The following GTF3C1 variants were observed in gnomAD, a reference collection of about 807,000 sequenced individuals.
The protein encoded by GTF3C1 is general transcription factor 3C polypeptide 1.
In GTF3C1, 57 loss-of-function variants were observed where a neutral mutation model predicts 226.7. That is an observed-to-expected ratio of 0.25 (90% CI 0.20 to 0.31). GTF3C1 has a LOEUF of 0.31. Among genes scored for constraint, GTF3C1 ranks in the 10% least tolerant of loss-of-function variants. GTF3C1 has a pLI of 1.00. For synonymous variants in GTF3C1, 1,090 were observed against 1,084.8 expected, an observed-to-expected ratio of 1.00 and a Z score of -0.09; for missense variants, 2,217 against 2,776.1, an observed-to-expected ratio of 0.80 and a Z score of 4.53.
intron 2 of GTF3C1, among the ~76,000 whole-genome samples, chr16:27,540,083 G>A (rs2089059985): frequency 6.6e-6 from 1 of 152,076 alleles, no homozygotes; most frequent in South Asian, 2.1e-4. Context: ...TCCTGCTGCA[G>A]CCACACCACT....
rs543775907 is a variant in GTF3C1 at position 27,505,794 on chromosome 16, C to A, written c.1770+105G>T. 2.5e-5 allele frequency: 18 copies of A among 732,658 alleles called. No homozygotes were observed. In the Admixed American group the frequency reaches 3.6e-4, roughly 15 times the overall value. The allele number at this position is 732,658 out of a possible 1,614,324, so 45.4% of individuals were successfully genotyped here. The stretch of plus-strand genomic sequence containing the variant: ...CAGGCAGGCCTCGGCACGCAGCACT[C>A]TCGCTGTGGATGATTCCACTGTGAT... On this transcript the variant is annotated intron_variant, in intron 10 of 36. Coordinates refer to ENST00000356183, the MANE Select transcript of GTF3C1 (RefSeq NM_001520.4).
chr16:27,497,619 C>T lies in GTF3C1; in HGVS notation c.2350+18G>A, dbSNP rs1227333236. On this transcript the variant is annotated intron_variant, in intron 14 of 36. Transcript: ENST00000356183. The stretch of plus-strand genomic sequence containing the variant: ...CAAATCAAATGTAACTAAACACAGA[C>T]AAGAAGCTGCAGCTTACCTACAATG... 6.3e-7 allele frequency: 1 copy of T among 1,593,170 alleles called. No homozygotes were observed. Among genetic ancestry groups the T allele is most frequent in the Non-Finnish European group, 8.6e-7 (1 of 1,163,714 alleles).
intron 4 of GTF3C1, among the ~76,000 whole-genome samples, chr16:27,534,047 G>T (rs1361301482): frequency 6.6e-6 from 1 of 152,050 alleles, no homozygotes; most frequent in African/African-American, 2.4e-5. Flanking sequence ...GGAAGGATGG[G>T]GGTTATTCTA....
chr16:27,475,456 A>G (rs2087937821), intron 29 of GTF3C1, among the ~76,000 whole-genome samples: 1 of 152,154 alleles, frequency 6.6e-6, no homozygotes. Flanking sequence ...ATACAAAATG[A>G]ACGGGTCCTC....
At position 27,494,867 on chromosome 16, in the gene GTF3C1, T is replaced by C. The variant is rs150452029; in HGVS notation, c.2674A>G (p.Ile892Val). The change falls in exon 16 of 37, where the codon ATC (isoleucine) becomes GTC (valine). Residue 892 changes from isoleucine (I) to valine (V), a missense_variant. Physicochemically the swap from Ile to Val is conservative, Grantham distance 29. Transcript: ENST00000356183. ...AAGCCGAAGTCCCTGTGGACTGGGA[T>C]TGGGGGGATGTAGCGCATCCACGAG... The part of the protein sequence containing the change: ...DASWMRYIPP[I>V]PVHRDFGFGW... 2.0e-4 allele frequency: 320 copies of C among 1,613,172 alleles called. No individual in the cohort carries two copies. Among genetic ancestry groups the C allele is most frequent in the Admixed American group, 3.7e-4 (22 of 59,984 alleles).
intron 10 of GTF3C1, among the ~76,000 whole-genome samples, chr16:27,503,899 T>C (rs2088445682): frequency 6.6e-6 from 1 of 152,104 alleles, no homozygotes; most frequent in Admixed American, 6.5e-5. Context: ...CACTCGGTGA[T>C]GGTGTCTGAA....
In GTF3C1 at chr16:27,461,833, G is replaced by A. The variant is rs370223059; in HGVS notation, c.6118-271C>T. On this transcript the variant is annotated intron_variant, in intron 36 of 36. Coordinates refer to ENST00000356183, the MANE Select transcript of GTF3C1 (RefSeq NM_001520.4). This position sits in a 1 kb window ranked among gnomAD's most constrained non-coding sequence, Gnocchi z 5.3. ...TTTGTGGAGGAGAGGCCTGCAGCGC[G>A]GGATAAATCCCAGCTTCCTGTGAGC... The A allele has an allele frequency of 2.8e-4, 133 of 478,230 alleles. No individual in the cohort carries two copies. Among genetic ancestry groups the A allele is most frequent in the African/African-American group, 2.0e-3 (106 of 52,282 alleles). The allele number at this position is 478,230 out of a possible 1,614,324, so 29.6% of individuals were successfully genotyped here. A position where few individuals can be genotyped will look rare whatever the true frequency, so the allele number is the denominator to read the frequency against.
chr16:27,495,570 A>G, intron 14 of GTF3C1, 78 bp from the exon 15 acceptor site: 2 of 1,358,210 alleles, frequency 1.5e-6, no homozygotes, highest in Non-Finnish European at 2.0e-6. Flanking sequence ...AAAATGATTG[A>G]GTGCCACTAT....
chr16:27,498,037 C>T (rs2088346693), intron 13 of GTF3C1, among the ~76,000 whole-genome samples: 2 of 152,182 alleles, frequency 1.3e-5, no homozygotes, highest in Admixed American at 6.5e-5. Context: ...GGCACCCCCA[C>T]TTATGGGTGC....
chr16:27,505,843 C>A lies in GTF3C1; in HGVS notation c.1770+56G>T, dbSNP rs370329430. The A allele has an allele frequency of 2.5e-4, 246 of 975,122 alleles. 3 individuals are homozygous for A. The South Asian group carries it at 3.2e-3, about 13-fold the overall frequency. The allele number at this position is 975,122 out of a possible 1,614,324, so 60.4% of individuals were successfully genotyped here. ...ATCATGTGATTCCTAAACACAGAAA[C>A]GATGAGGCCACAGACTCCTTCTTGG... On this transcript the variant is annotated intron_variant, in intron 10 of 36. Transcript: ENST00000356183.
intron 26 of GTF3C1, among the ~76,000 whole-genome samples, chr16:27,482,211 G>C (rs569210057): frequency 1.2e-4 from 18 of 152,304 alleles, no homozygotes; most frequent in African/African-American, 4.3e-4. Context: ...CAACCAGGGG[G>C]TGACTGGCAT....
intron 2 of GTF3C1, among the ~76,000 whole-genome samples, chr16:27,542,267 T>C (rs1052135742): frequency 5.3e-5 from 8 of 152,152 alleles, no homozygotes; most frequent in Non-Finnish European, 1.2e-4. Context: ...TGTTGAAGTT[T>C]AACTACCAGT....
chr16:27,502,509 C>T (rs1434280354), intron 11 of GTF3C1, among the ~76,000 whole-genome samples: 1 of 152,202 alleles, frequency 6.6e-6, no homozygotes, highest in Non-Finnish European at 1.5e-5. Flanking sequence ...AATGCTACTA[C>T]TCGCTTAAGT....
chr16:27,499,657 C>T (rs2088375788), intron 12 of GTF3C1, among the ~76,000 whole-genome samples: 1 of 152,208 alleles, frequency 6.6e-6, no homozygotes, highest in African/African-American at 2.4e-5. Context: ...CTGCCCCCAC[C>T]CCCAACCACC....
At chr16:27,503,441 C>A (rs541076070) in intron 10 of GTF3C1, among the ~76,000 whole-genome samples, 26 of 152,326 alleles carry the variant, frequency 1.7e-4, no homozygotes, top group African/African-American at 6.0e-4. Flanking sequence ...GAAACCAGGG[C>A]TCTGTGTGGC....
In GTF3C1 at chr16:27,502,933, A is replaced by G; in HGVS notation, c.1833T>C (p.Thr611=). 1.2e-6 allele frequency: 2 copies of G among 1,613,726 alleles called. No homozygotes were observed. The highest frequency in any genetic ancestry group is 1.7e-6 in the Non-Finnish European group (2 of 1,179,728). ...GATTCCTGCGTTTCAGCAGTCGGTA[A>G]GTTTCGTGTGGTTTGTCTTGGCCTG... ...HSSGQDKPHE[T]YRLLKRRNLI... is the part of the protein sequence containing the mutation. The change falls in exon 11 of 37, where the codon ACT becomes ACC. Residue 611 remains threonine, a synonymous_variant. Coordinates refer to ENST00000356183, the MANE Select transcript of GTF3C1 (RefSeq NM_001520.4).
Position 27,528,012 on chromosome 16 carries a change from G to A in GTF3C1, c.973+586C>T, listed in dbSNP as rs187829434. 5.7e-4 allele frequency among the ~76,000 whole-genome samples: 86 copies of A among 151,258 alleles called. 1 individual carries two copies. In the East Asian group the frequency reaches 0.015, roughly 26 times the overall value. ...AAAGAGGCTGAGTGTGGTGGCTCAC[G>A]CTTATAATCCCAGGACTTTGGGAGG... On this transcript the variant is annotated intron_variant, in intron 6 of 36. Transcript: ENST00000356183.
chr16:27,483,236 TG>T, intron 25 of GTF3C1, 111 bp from the exon 26 acceptor site: 1 of 1,009,438 alleles, frequency 9.9e-7, no homozygotes, highest in Non-Finnish European at 1.5e-6. Flanking sequence ...CCTTGAAGCA[TG>T]AGTTACTTAT....
In GTF3C1 at chr16:27,461,315, C is replaced by T. The variant is rs1461525395; in HGVS notation, c.*35G>A. On this transcript the variant is annotated 3_prime_UTR_variant, in exon 37 of 37. Coordinates refer to ENST00000356183, the MANE Select transcript of GTF3C1 (RefSeq NM_001520.4). The surrounding 1 kb of genome is among the most constrained non-coding windows in gnomAD (Gnocchi z 5.3). ...CACCAGGCAGGAGTGGTGTGGCAGG[C>T]GGTGGCTGGGAGGGAGGGGACGCCC... 5.1e-6 allele frequency: 7 copies of T among 1,368,826 alleles called. No homozygotes were observed. The highest frequency in any genetic ancestry group is 2.5e-5 in the South Asian group (2 of 80,564). 84.8% of individuals were successfully genotyped at this position (1,368,826 alleles called of 1,614,324 possible).
Sources: gnomAD v4.1 joint callset for allele counts (sites outside exome capture counted in the v4.1 genomes callset) on GRCh38, gnomAD v4.1.1 for gene constraint, Gnocchi (gnomAD v3.1) non-coding constraint, MANE v1.5 for transcripts, NCBI Gene and HGNC (gene_info 2026-07-23, HGNC 2026-07-21) for gene names.